WWOX: variants seen among roughly 807,000 people sequenced by gnomAD.
WWOX encodes the protein WW domain containing oxidoreductase.
A neutral mutation model predicts 46.2 loss-of-function variants in WWOX; 69 were observed. The observed-to-expected ratio is 1.49, with a 90% CI of 1.23 to 1.82. The LOEUF (loss-of-function observed/expected upper bound fraction) is 1.82, where lower values mean the gene tolerates loss of function less well. Ranked by LOEUF, WWOX falls within the 40% of genes most tolerant of loss-of-function variation. The probability of loss-of-function intolerance (pLI) is 0.00; values close to 1 mark genes in which losing one functional copy is unlikely to be tolerated. For synonymous variants in WWOX, 359 were observed against 202.6 expected (o/e 1.77, Z -6.56); for missense variants, 919 against 542.6 (o/e 1.69, Z -6.89).
intron 8 of WWOX, among the ~76,000 whole-genome samples, chr16:78,762,229 C>G (rs1214535986): frequency 6.6e-6 from 1 of 152,200 alleles, no homozygotes; most frequent in Non-Finnish European, 1.5e-5. Flanking sequence ...CATACAGCAG[C>G]TGTGTCTTAA....
intron 8 of WWOX, among the ~76,000 whole-genome samples, chr16:78,543,567 T>C (rs1018188066): frequency 1.6e-4 from 25 of 152,172 alleles, no homozygotes; most frequent in African/African-American, 6.0e-4. Flanking sequence ...CAAATTCTGT[T>C]TGAAGCACTG....
chr16:78,974,870 G>A (rs888896118), intron 8 of WWOX, among the ~76,000 whole-genome samples: 10 of 152,154 alleles, frequency 6.6e-5, no homozygotes, highest in African/African-American at 2.4e-4. Flanking sequence ...GTCCACTGGA[G>A]GCCCGGGGAG....
At chr16:78,988,525 A>G (rs1196688978) in intron 8 of WWOX, among the ~76,000 whole-genome samples, 1 of 152,028 alleles carries the variant, frequency 6.6e-6, no homozygotes, top group Non-Finnish European at 1.5e-5. Flanking sequence ...TCAGCCTACC[A>G]CTGGTAATAC....
At chr16:78,676,162 G>A (rs1231532684) in intron 8 of WWOX, among the ~76,000 whole-genome samples, 4 of 151,798 alleles carry the variant, frequency 2.6e-5, no homozygotes, top group African/African-American at 4.8e-5. Context: ...ATTCCTGAGC[G>A]CCGTGTCTTC....
intron 5 of WWOX, among the ~76,000 whole-genome samples, chr16:78,169,487 T>A (rs200882819): frequency 2.0e-5 from 3 of 151,700 alleles, no homozygotes; most frequent in Admixed American, 6.6e-5. Flanking sequence ...TCTCAGGACC[T>A]CTGCATGTAA....
chr16:78,230,128 C>A (rs1365787027), intron 5 of WWOX, among the ~76,000 whole-genome samples: 1 of 151,204 alleles, frequency 6.6e-6, no homozygotes, highest in Non-Finnish European at 1.5e-5. Context: ...AATCCTCCCA[C>A]CTCGGCCTCC....
intron 5 of WWOX, among the ~76,000 whole-genome samples, chr16:78,305,475 G>C (rs562390553): frequency 1.3e-4 from 20 of 152,258 alleles, no homozygotes; most frequent in African/African-American, 4.8e-4. Context: ...TCTTCCAAAT[G>C]ATGGCAGGGA....
chr16:78,340,658 T>C (rs72794017), intron 5 of WWOX, among the ~76,000 whole-genome samples: 27,251 of 119,294 alleles, frequency 0.23, 8,759 homozygotes, highest in African/African-American at 0.38. Context: ...TGGACTATTT[T>C]TTGGGAAAAC....
chr16:78,549,594 A>T (rs571118638), intron 8 of WWOX, among the ~76,000 whole-genome samples: 3 of 152,160 alleles, frequency 2.0e-5, no homozygotes, highest in Non-Finnish European at 4.4e-5. Flanking sequence ...ACTCCAGACC[A>T]TTTGATCGAA....
chr16:78,794,181 T>C (rs2050680082), intron 8 of WWOX, among the ~76,000 whole-genome samples: 1 of 152,164 alleles, frequency 6.6e-6, no homozygotes, highest in Non-Finnish European at 1.5e-5. Flanking sequence ...GCCTTGCTTC[T>C]TCCACCATGT....
At chr16:78,892,779 T>C (rs2044619167) in intron 8 of WWOX, among the ~76,000 whole-genome samples, 1 of 152,188 alleles carries the variant, frequency 6.6e-6, no homozygotes, top group African/African-American at 2.4e-5. Context: ...TTGTAGAGTT[T>C]TGTTAGCCAC....
intron 5 of WWOX, among the ~76,000 whole-genome samples, chr16:78,186,075 G>T (rs2035692803): frequency 6.6e-6 from 1 of 152,132 alleles, no homozygotes; most frequent in African/African-American, 2.4e-5. Flanking sequence ...AGTTAGTCCA[G>T]ATTGAAATGA....
rs552473203 is a variant in WWOX at position 79,140,080 on chromosome 16, C to G, written c.1057-71528C>G. Among the ~76,000 whole-genome samples, 5 of 152,330 alleles carry G rather than the reference C, an allele frequency of 3.3e-5. No homozygotes were observed. In the East Asian group the frequency reaches 7.7e-4, roughly 24 times the overall value. On this transcript the variant is annotated intron_variant, in intron 8 of 8. Transcript: ENST00000566780. ...GGATTTTTCCTACTCACAGTGCCCC[C>G]ATGGTCTCAATGCTGTTGAGAACAT...
At chr16:78,958,414 A>G (rs1597206572) in intron 8 of WWOX, among the ~76,000 whole-genome samples, 1 of 152,244 alleles carries the variant, frequency 6.6e-6, no homozygotes, top group African/African-American at 2.4e-5. Context: ...GATAGAGTTC[A>G]TGGATGTTCT....
chr16:78,573,737 C>G (rs2044777435), intron 8 of WWOX, among the ~76,000 whole-genome samples: 1 of 152,214 alleles, frequency 6.6e-6, no homozygotes, highest in Admixed American at 6.5e-5. Flanking sequence ...ATCAGGTTCA[C>G]TTGCTTCCTG....
At chr16:78,823,143 T>C (rs1044724975) in intron 8 of WWOX, among the ~76,000 whole-genome samples, 5 of 152,246 alleles carry the variant, frequency 3.3e-5, no homozygotes, top group African/African-American at 1.2e-4. Context: ...TGTGAATTAA[T>C]ACTCCGGCCT....
chr16:78,560,747 T>A (rs1410771625), intron 8 of WWOX, among the ~76,000 whole-genome samples: 6 of 152,216 alleles, frequency 3.9e-5, no homozygotes, highest in Admixed American at 3.3e-4. Context: ...CTATGGTGAT[T>A]GAGTTTTTGT....
intron 8 of WWOX, among the ~76,000 whole-genome samples, chr16:78,520,028 C>T (rs116304281): frequency 6.6e-6 from 1 of 152,256 alleles, no homozygotes; most frequent in East Asian, 1.9e-4. Context: ...ATACTGTGAC[C>T]ATGCAGTCAT....
At chr16:78,517,810 A>T (rs2043268805) in intron 8 of WWOX, among the ~76,000 whole-genome samples, 1 of 144,434 alleles carries the variant, frequency 6.9e-6, no homozygotes, top group African/African-American at 2.6e-5. Flanking sequence ...ATGTCGTTTT[A>T]TATAACAAGA....
Sources: gnomAD v4.1 joint callset for allele counts (sites outside exome capture counted in the v4.1 genomes callset) on GRCh38, gnomAD v4.1.1 for gene constraint, MANE v1.5 for transcripts, NCBI Gene and HGNC (gene_info 2026-07-23, HGNC 2026-07-21) for gene names.